The following TRPC6 variants were observed in gnomAD, a reference collection of about 807,000 sequenced individuals.
The protein encoded by TRPC6 is short transient receptor potential channel 6.
Under a neutral mutation model 90.7 loss-of-function variants are expected in TRPC6, and 55 were observed. The observed-to-expected ratio is 0.61, with a 90% CI of 0.49 to 0.76. The LOEUF (loss-of-function observed/expected upper bound fraction) is 0.76, where lower values mean the gene tolerates loss of function less well. TRPC6 is among the 30% of genes least tolerant of loss of function. TRPC6 has a pLI of 0.00. For missense variants in TRPC6, 989 were observed against 1,122.7 expected (o/e 0.88, Z 1.70); for synonymous variants, 393 against 393.0 (o/e 1.00, Z 0.00).
chr11:101,523,922 A>G (rs1364568385), intron 1 of TRPC6, among the ~76,000 whole-genome samples: 1 of 152,202 alleles, frequency 6.6e-6, no homozygotes, highest in South Asian at 2.1e-4. Context: ...TTTTAGTAAA[A>G]CATATTGTCC....
intron 2 of TRPC6, among the ~76,000 whole-genome samples, chr11:101,499,360 G>A (rs1860032528): frequency 6.6e-6 from 1 of 151,856 alleles, no homozygotes. Flanking sequence ...GCCCATGGAT[G>A]AAATTTTATG....
intron 1 of TRPC6, among the ~76,000 whole-genome samples, chr11:101,544,879 T>TA (rs764707474): frequency 4.0e-5 from 6 of 151,722 alleles, no homozygotes; most frequent in African/African-American, 9.7e-5. Context: ...AAAGTATAAT[T>TA]AAAAAAAATG....
At chr11:101,529,755 A>C (rs1860865136) in intron 1 of TRPC6, among the ~76,000 whole-genome samples, 1 of 152,218 alleles carries the variant, frequency 6.6e-6, no homozygotes. Flanking sequence ...ACACAGCAAG[A>C]AGCATTTGGC....
chr11:101,562,718 A>G (rs976549853), intron 1 of TRPC6, among the ~76,000 whole-genome samples: 5 of 152,186 alleles, frequency 3.3e-5, no homozygotes, highest in Admixed American at 3.3e-4. Flanking sequence ...GAAAGTAAGT[A>G]TAAAAAATAC....
intron 5 of TRPC6, among the ~76,000 whole-genome samples, chr11:101,476,825 AG>A (rs1483849208): frequency 6.6e-6 from 1 of 152,202 alleles, no homozygotes; most frequent in East Asian, 1.9e-4. Context: ...TGTTTATTGT[AG>A]GATACTTTAT....
At chr11:101,467,844 C>T (rs1329628902) in intron 10 of TRPC6, among the ~76,000 whole-genome samples, 1 of 152,310 alleles carries the variant, frequency 6.6e-6, no homozygotes, top group South Asian at 2.1e-4. Flanking sequence ...AGGGCTATGG[C>T]TTGTTGACCC....
At chr11:101,485,661 A>G (rs1859663318) in intron 4 of TRPC6, among the ~76,000 whole-genome samples, 1 of 152,166 alleles carries the variant, frequency 6.6e-6, no homozygotes, top group Non-Finnish European at 1.5e-5. Context: ...AATTCATGAA[A>G]AAGTTATTTA....
rs1859347079 is a variant in TRPC6 at position 101,473,685 on chromosome 11, A to G, written c.1833T>C (p.Ala611=). Residue 611 remains alanine, a synonymous_variant, in exon 7 of 13, where the codon GCT becomes GCC. Coordinates refer to ENST00000344327, the MANE Select transcript of TRPC6 (RefSeq NM_004621.6). The stretch of plus-strand genomic sequence containing the variant: ...AGCTTTCATTTGCTGGTAAAATATA[A>G]GCTATCCTAGAGAAACTTAAAACTA... ...IAVVLSFSRI[A]YILPANESFG... The G allele has an allele frequency of 6.2e-7, 1 of 1,613,758 alleles. No individual in the cohort carries two copies. Among genetic ancestry groups the G allele is most frequent in the Non-Finnish European group, 8.5e-7 (1 of 1,179,768 alleles).
intron 1 of TRPC6, among the ~76,000 whole-genome samples, chr11:101,521,139 G>C (rs918205198): frequency 1.3e-4 from 20 of 149,846 alleles, no homozygotes; most frequent in African/African-American, 4.9e-4. Flanking sequence ...TGCTTCAAAG[G>C]CATTTCAGAG....
chr11:101,483,071 T>A lies in TRPC6; in HGVS notation c.1388A>T (p.Asp463Val). 6.2e-7 allele frequency: 1 copy of A among 1,614,082 alleles called. No homozygotes were observed. The highest frequency in any genetic ancestry group is 8.5e-7 in the Non-Finnish European group (1 of 1,179,970). The change falls in exon 5 of 13, where the codon GAC becomes GTC. Residue 463 changes from aspartate to valine, a missense_variant. Asp to Val is a radical substitution (Grantham distance 152, BLOSUM62 -3). Around this residue, in one of 4 missense-constraint regions of TRPC6, gnomAD observed 486 missense variants for 591.9 expected, o/e 0.82. Transcript: ENST00000344327. ...AAGGAGTTTTGTGCCTTCAAATCTG[T>A]CAGCTGCATTCATGACTAGCAGTCC... ...FLGLLVMNAA[D>V]RFEGTKLLPN...
chr11:101,504,235 A>G lies in TRPC6; in HGVS notation c.734T>C (p.Ile245Thr), dbSNP rs535197413. Residue 245 changes from isoleucine to threonine, a missense_variant, in exon 2 of 13, where the codon ATT (isoleucine) becomes ACT (threonine). By Grantham distance (89) the Ile-to-Thr change is moderately conservative. Around this residue, in one of 4 missense-constraint regions of TRPC6, gnomAD observed 486 missense variants for 591.9 expected, o/e 0.82. Coordinates refer to ENST00000344327, the MANE Select transcript of TRPC6 (RefSeq NM_004621.6). The stretch of plus-strand genomic sequence containing the variant: ...GCAGAAATAATCATGAGGCCGTTCA[A>G]TCCTAGCACCCTTCCGCAGGAGGGT... ...VHTLLRKGAR[I>T]ERPHDYFCKC... 1 of 1,614,128 alleles carries G rather than the reference A, an allele frequency of 6.2e-7. No individual in the cohort carries two copies. The highest frequency in any genetic ancestry group is 8.5e-7 in the Non-Finnish European group (1 of 1,179,996).
At chr11:101,509,325 G>A (rs1330486172) in intron 1 of TRPC6, among the ~76,000 whole-genome samples, 6 of 151,526 alleles carry the variant, frequency 4.0e-5, no homozygotes, top group African/African-American at 9.7e-5. Context: ...TATCAAACTC[G>A]TGGGCTCAAG....
At chr11:101,467,852 C>A (rs1859187421) in intron 10 of TRPC6, among the ~76,000 whole-genome samples, 1 of 152,146 alleles carries the variant, frequency 6.6e-6, no homozygotes, top group Non-Finnish European at 1.5e-5. Flanking sequence ...GGCTTGTTGA[C>A]CCCCATACAC....
chr11:101,481,582 C>T (rs895090518), intron 5 of TRPC6, among the ~76,000 whole-genome samples: 1 of 152,150 alleles, frequency 6.6e-6, no homozygotes, highest in Non-Finnish European at 1.5e-5. Context: ...GTAGTCACTA[C>T]CTGCTGATCC....
In TRPC6 at chr11:101,499,136, A is replaced by G. The variant is rs1231417144; in HGVS notation, c.945+4888T>C. Among the ~76,000 whole-genome samples the G allele has an allele frequency of 2.0e-5, 3 of 152,350 alleles. No individual in the cohort carries two copies. In the East Asian group the frequency reaches 5.8e-4, roughly 29 times the overall value. On this transcript the variant is annotated intron_variant, in intron 2 of 12. Coordinates refer to ENST00000344327, the MANE Select transcript of TRPC6 (RefSeq NM_004621.6). ...AGTCCAGAAAAAGTTAAGCAAAGAC[A>G]GCATCAGCAGGGAATACTGAATACC... is the stretch of plus-strand genomic sequence containing the variant.
At chr11:101,520,560 G>A (rs1860635231) in intron 1 of TRPC6, among the ~76,000 whole-genome samples, 1 of 152,224 alleles carries the variant, frequency 6.6e-6, no homozygotes, top group Non-Finnish European at 1.5e-5. Flanking sequence ...GGAAGATAAG[G>A]AAAGGTTTAG....
intron 1 of TRPC6, among the ~76,000 whole-genome samples, chr11:101,533,330 C>T (rs1327134299): frequency 6.6e-6 from 1 of 152,138 alleles, no homozygotes; most frequent in African/African-American, 2.4e-5. Flanking sequence ...GAAACAGGCA[C>T]ATCACATGGC....
chr11:101,498,920 C>CTTCCTGTAT (rs71056612), intron 2 of TRPC6, among the ~76,000 whole-genome samples: 71,480 of 151,426 alleles, frequency 0.47, 17,381 homozygotes, highest in African/African-American at 0.59. Flanking sequence ...CCCTGAAGGG[C>CTTCCTGTAT]TTCCCTGAAT....
intron 1 of TRPC6, among the ~76,000 whole-genome samples, chr11:101,547,002 G>C (rs1357605826): frequency 2.6e-5 from 4 of 152,060 alleles, no homozygotes; most frequent in African/African-American, 7.2e-5. Flanking sequence ...ACATTATATT[G>C]TTTAAGGATA....
Sources: allele counts gnomAD v4.1 joint callset (sites outside exome capture counted in the v4.1 genomes callset), GRCh38; gene constraint gnomAD v4.1.1; regional missense constraint gnomAD v4.1.1; transcripts MANE v1.5; gene names NCBI Gene and HGNC (gene_info 2026-07-23, HGNC 2026-07-21).